Variants in SEC24D observed in about 807,000 individuals in gnomAD.
SEC24D encodes the protein protein transport protein Sec24D.
Under a neutral mutation model 116.9 loss-of-function variants are expected in SEC24D, and 69 were observed. The ratio of observed to expected loss-of-function variants is 0.59; its 90% confidence interval spans 0.49 to 0.72. The LOEUF (loss-of-function observed/expected upper bound fraction) is 0.72. Among genes scored for constraint, SEC24D ranks in the 30% least tolerant of loss-of-function variants. The pLI is 0.00. For synonymous variants in SEC24D, 405 were observed against 442.8 expected, an observed-to-expected ratio of 0.91 and a Z score of 1.07; for missense variants, 1,131 against 1,264.1, an observed-to-expected ratio of 0.89 and a Z score of 1.60.
At chr4:118,799,938 GT>G (rs894748708) in intron 7 of SEC24D, among the ~76,000 whole-genome samples, 2 of 151,726 alleles carry the variant, frequency 1.3e-5, no homozygotes, top group Middle Eastern at 3.4e-3. Flanking sequence ...ATGAGAGAAG[GT>G]TTTTTTTAAA....
intron 10 of SEC24D, among the ~76,000 whole-genome samples, chr4:118,759,851 C>T (rs1010707060): frequency 2.6e-5 from 4 of 152,164 alleles, no homozygotes; most frequent in Admixed American, 1.3e-4. Flanking sequence ...ATCATGATTC[C>T]TTTTGAGCTC....
At chr4:118,742,552 T>G (rs1221222155) in intron 15 of SEC24D, among the ~76,000 whole-genome samples, 2 of 152,212 alleles carry the variant, frequency 1.3e-5, no homozygotes, top group South Asian at 2.1e-4. Flanking sequence ...AAAACATACT[T>G]TTATCCAGAA....
intron 2 of SEC24D, chr4:118,833,303 C>T: frequency 3.5e-6 from 1 of 285,674 alleles, no homozygotes. Flanking sequence ...AGCCTTACAC[C>T]ACTAATTAAC....
At chr4:118,817,472 A>G in intron 3 of SEC24D, 60 bp from the exon 4 acceptor site, 7 of 1,421,562 alleles carry the variant, frequency 4.9e-6, no homozygotes, top group Non-Finnish European at 6.7e-6. Context: ...ATGGCGTACA[A>G]TAATGTTAAT....
intron 8 of SEC24D, among the ~76,000 whole-genome samples, chr4:118,772,651 G>C (rs896369164): frequency 2.0e-5 from 3 of 152,136 alleles, no homozygotes; most frequent in African/African-American, 7.2e-5. Flanking sequence ...GTGAAGCAAA[G>C]AGAACAATGA....
In SEC24D at chr4:118,805,930, C is replaced by T. The variant is rs375063528; in HGVS notation, c.826G>A (p.Ala276Thr). 12 of 1,595,870 alleles carry T rather than the reference C, an allele frequency of 7.5e-6. No individual in the cohort carries two copies. The African/African-American group carries it at 1.6e-4, about 22-fold the overall frequency. Residue 276 changes from alanine to threonine, a missense_variant, in exon 7 of 23, where the codon GCC (alanine) becomes ACC (threonine). Physicochemically the swap from Ala to Thr is moderately conservative, Grantham distance 58. Transcript: ENST00000280551. ...SPIQVIENDR[A>T]SRGGQVYATN... The stretch of plus-strand genomic sequence containing the variant: ...GCATAAACTTGTCCTCCTCTGCTGG[C>T]TCTATCATTCTCAATCACCTGGATC...
chr4:118,798,230 G>A (rs1270471222), intron 7 of SEC24D, among the ~76,000 whole-genome samples: 2 of 152,086 alleles, frequency 1.3e-5, no homozygotes, highest in East Asian at 3.8e-4. Context: ...TTATGGGAAA[G>A]GTAAGCATTT....
chr4:118,815,471 G>A lies in SEC24D; in HGVS notation c.653C>T (p.Ala218Val). The change falls in exon 5 of 23, where the codon GCT becomes GTT. Residue 218 changes from alanine (A) to valine (V), a missense_variant. Coordinates refer to ENST00000280551, the MANE Select transcript of SEC24D (RefSeq NM_014822.4). ...CTTACCCTGCTGCGGAGGATATCCA[G>A]CACCCAAGGTCTGGCCTGGAAGAGG... ...PPPLPGQTLG[A>V]GYPPQQANSG... 1 of 1,614,158 alleles carries A rather than the reference G, an allele frequency of 6.2e-7. No homozygotes were observed. Among genetic ancestry groups the A allele is most frequent in the Non-Finnish European group, 8.5e-7 (1 of 1,180,004 alleles).
chr4:118,799,233 G>A (rs529673108), intron 7 of SEC24D, among the ~76,000 whole-genome samples: 19 of 152,314 alleles, frequency 1.2e-4, no homozygotes, highest in African/African-American at 3.8e-4. Context: ...GTGAGTGTGA[G>A]AGAGCGTGAT....
intron 8 of SEC24D, among the ~76,000 whole-genome samples, chr4:118,783,745 C>T (rs1161238099): frequency 6.6e-6 from 1 of 152,120 alleles, no homozygotes; most frequent in Admixed American, 6.5e-5. Flanking sequence ...TGTAAAGAAG[C>T]TTAAGAGAAC....
chr4:118,751,758 A>G (rs1726848834), intron 13 of SEC24D, among the ~76,000 whole-genome samples: 1 of 152,200 alleles, frequency 6.6e-6, no homozygotes, highest in Non-Finnish European at 1.5e-5. Context: ...GAGGAGCTAA[A>G]CTGGAAATCC....
intron 6 of SEC24D, among the ~76,000 whole-genome samples, chr4:118,811,508 T>A (rs191487420): frequency 4.6e-5 from 7 of 152,322 alleles, no homozygotes; most frequent in African/African-American, 1.7e-4. Flanking sequence ...CAGGCAGGCT[T>A]TGAGTAAAGC....
intron 13 of SEC24D, among the ~76,000 whole-genome samples, chr4:118,747,169 A>T (rs1046649637): frequency 2.0e-5 from 3 of 152,212 alleles, no homozygotes; most frequent in Admixed American, 2.0e-4. Context: ...CCAATGACCA[A>T]ATCAGAGTAA....
intron 17 of SEC24D, among the ~76,000 whole-genome samples, chr4:118,739,909 T>C (rs1303666188): frequency 1.3e-5 from 2 of 152,230 alleles, no homozygotes; most frequent in Non-Finnish European, 2.9e-5. Flanking sequence ...CTATGGCTTC[T>C]AGTTAGTTTC....
chr4:118,819,327 C>G (rs1365321460), intron 3 of SEC24D, among the ~76,000 whole-genome samples: 4 of 151,682 alleles, frequency 2.6e-5, no homozygotes, highest in African/African-American at 9.7e-5. Flanking sequence ...GTCAGGAGAT[C>G]GAGACCATCC....
chr4:118,769,790 A>C (rs1421933973), intron 8 of SEC24D: 2 of 152,016 alleles, frequency 1.3e-5, no homozygotes, highest in African/African-American at 4.8e-5. Context: ...GACAGATTGG[A>C]TTTTCTTGTT....
At chr4:118,828,463 C>T (rs559358608) in intron 2 of SEC24D, among the ~76,000 whole-genome samples, 1 of 152,090 alleles carries the variant, frequency 6.6e-6, no homozygotes, top group Non-Finnish European at 1.5e-5. Context: ...CAAGCAAGGG[C>T]GATTTTGCCC....
chr4:118,814,961 G>T, intron 6 of SEC24D, 67 bp downstream of exon 6: 1 of 1,531,166 alleles, frequency 6.5e-7, no homozygotes, highest in Non-Finnish European at 9.0e-7. Flanking sequence ...CTAACAAACT[G>T]ATGAGTTGCT....
intron 8 of SEC24D, among the ~76,000 whole-genome samples, chr4:118,793,771 T>G (rs893530452): frequency 1.3e-5 from 2 of 152,218 alleles, no homozygotes; most frequent in Non-Finnish European, 2.9e-5. Flanking sequence ...CAGGAAGCAC[T>G]GCTATATAAA....
Sources: gnomAD v4.1 joint callset for allele counts (sites outside exome capture counted in the v4.1 genomes callset) on GRCh38, gnomAD v4.1.1 for gene constraint, MANE v1.5 for transcripts, NCBI Gene and HGNC (gene_info 2026-07-23, HGNC 2026-07-21) for gene names.